The following GPR35 variants were observed in gnomAD, a reference collection of about 807,000 sequenced individuals.
GPR35 encodes the protein G protein-coupled receptor 35.
For missense variants in GPR35, 372 were observed against 422.5 expected (o/e 0.88, Z 1.05); for synonymous variants, 207 against 198.4 (o/e 1.04, Z -0.36).
exon 3 of GPR35, chr2:240,616,496 A>T (rs768251397): frequency 2.6e-6 from 2 of 780,320 alleles, no homozygotes; most frequent in Middle Eastern, 2.3e-4. Context: ...CAGCTCCGAT[A>T]CTTCACCAGA....
intron 1 of GPR35, 21 bp downstream of exon 1, chr2:240,625,589 T>G: frequency 7.2e-6 from 7 of 975,300 alleles, no homozygotes; most frequent in Non-Finnish European, 8.5e-6. Flanking sequence ...CCCACTGCCC[T>G]AGGGGCCTCC....
chr2:240,615,529 A>G (rs1415906686), intron 2 of GPR35, among the ~76,000 whole-genome samples: 2 of 152,126 alleles, frequency 1.3e-5, no homozygotes, highest in Non-Finnish European at 2.9e-5. Flanking sequence ...AAGTGTAATA[A>G]CCCCTTGTGC....
chr2:240,612,031 T>G (rs1302038021), intron 2 of GPR35, among the ~76,000 whole-genome samples: 2 of 151,824 alleles, frequency 1.3e-5, no homozygotes, highest in Admixed American at 6.6e-5. Flanking sequence ...TGTGGTTACT[T>G]CTGGGACATT....
intron 2 of GPR35, among the ~76,000 whole-genome samples, chr2:240,613,382 T>A (rs757869502): frequency 2.0e-5 from 3 of 151,718 alleles, no homozygotes; most frequent in African/African-American, 2.4e-5. Context: ...GGACAAGGAG[T>A]GAAGAATCTC....
chr2:240,614,596 C>T (rs905491941), intron 2 of GPR35, among the ~76,000 whole-genome samples: 13 of 152,228 alleles, frequency 8.5e-5, no homozygotes, highest in East Asian at 3.8e-4. Context: ...TCTGCTCTCC[C>T]GGTTCTCCCC....
rs780904028 is a variant in GPR35, at chr2:240,630,431, G to C, written c.479G>C (p.Gly160Ala). Residue 160 changes from glycine (G) to alanine (A), a missense_variant, in exon 2 of 2, where the codon GGC becomes GCC. Coordinates refer to ENST00000407714, the MANE Select transcript of GPR35 (RefSeq NM_005301.5). Reference protein sequence around the residue: ...ARWLLGIQEGGFCFRSTRHNF... With the variant: ...ARWLLGIQEGAFCFRSTRHNF... Reference sequence around the variant, plus strand: ...TGGCTCCTGGGGATTCAGGAGGGCGGCTTCTGCTTCAGGAGCACCCGGCAC... The same window carrying C: ...TGGCTCCTGGGGATTCAGGAGGGCGCCTTCTGCTTCAGGAGCACCCGGCAC... The C allele has an allele frequency of 6.2e-7, 1 of 1,612,728 alleles. No individual in the cohort carries two copies. The highest frequency in any genetic ancestry group is 1.3e-5 in the African/African-American group (1 of 75,042).
At chr2:240,625,752 G>A (rs111340572) in intron 1 of GPR35, among the ~76,000 whole-genome samples, 184 bp downstream of exon 1, 112 of 149,800 alleles carry the variant, frequency 7.5e-4, no homozygotes, top group East Asian at 1.4e-3. Context: ...GTCTCAGAGC[G>A]GGGTGAGGCT....
intron 1 of GPR35, among the ~76,000 whole-genome samples, 169 bp downstream of exon 1, chr2:240,625,737 A>ACGGGGGTTCT (rs1559438585): frequency 2.1e-5 from 2 of 96,476 alleles, no homozygotes; most frequent in South Asian, 7.5e-4. Context: ...TGAGGCTGTG[A>ACGGGGGTTCT]CAGGGTCTCA....
chr2:240,630,067 A>G lies in GPR35; in HGVS notation c.115A>G (p.Ser39Gly), dbSNP rs1429723308. The change falls in exon 2 of 2, where the codon AGC (serine) becomes GGC (glycine). Residue 39 changes from serine to glycine, a missense_variant. Physicochemically the swap from Ser to Gly is moderately conservative, Grantham distance 56. Transcript: ENST00000407714. ...VLLVLGLLLNSLALWVFCCRM... is the reference protein window; with the variant it reads ...VLLVLGLLLNGLALWVFCCRM... ...GCTGGTGCTAGGCCTGCTGCTCAAC[A>G]GCCTGGCGCTCTGGGTGTTCTGCTG... The G allele has an allele frequency of 3.1e-6, 5 of 1,611,850 alleles. No homozygotes were observed. The highest frequency in any genetic ancestry group is 4.2e-6 in the Non-Finnish European group (5 of 1,179,952).
chr2:240,623,941 A>C (rs186621485), upstream of GPR35, among the ~76,000 whole-genome samples: 1 of 141,382 alleles, frequency 7.1e-6, no homozygotes, highest in Non-Finnish European at 1.6e-5. Context: ...GGGGTGCCCC[A>C]GGCCACTGCT....
intron 4 of GPR35, chr2:240,618,877 C>T: frequency 3.0e-6 from 2 of 656,340 alleles, no homozygotes; most frequent in Non-Finnish European, 5.5e-6. Context: ...TTTCTCCCTC[C>T]TCTTTGCAAG....
At chr2:240,613,929 A>T (rs2043212708) in intron 2 of GPR35, among the ~76,000 whole-genome samples, 1 of 151,648 alleles carries the variant, frequency 6.6e-6, no homozygotes, top group Non-Finnish European at 1.5e-5. Context: ...CCATAACCCT[A>T]ACCGAAACTC....
chr2:240,630,581 AG>A lies in GPR35; in HGVS notation c.631del (p.Ala211ProfsTer27), dbSNP rs1424246479. The A allele has an allele frequency of 6.2e-7, 1 of 1,612,846 alleles. No individual in the cohort carries two copies. The highest frequency in any genetic ancestry group is 1.7e-5 in the Admixed American group (1 of 60,006). On this transcript the variant is annotated frameshift_variant, in exon 2 of 2. Transcript: ENST00000407714. LOFTEE classifies it low-confidence loss of function (END_TRUNC). ...CCACCCACCGACGTGGGGCAGGCAG[AG>A]GCCACCCGCAAGGCTGCCCGCATGG... ...QRPPTDVGQA[E>X]ATRKAARMVW...
rs1386241719 is a variant in GPR35 at position 240,631,455 on chromosome 2, A to G, written c.*573A>G. ...TGTTGGAAGCTCCTGGCAGGACCACAGTAGAGGCCCCCAGCCCAGGTTTCC... is the reference window on the plus strand; with the variant it reads ...TGTTGGAAGCTCCTGGCAGGACCACGGTAGAGGCCCCCAGCCCAGGTTTCC... On this transcript the variant is annotated 3_prime_UTR_variant, in exon 2 of 2. Transcript: ENST00000407714. Among the ~76,000 whole-genome samples the G allele has an allele frequency of 6.6e-5, 10 of 152,038 alleles. No individual in the cohort carries two copies. Among genetic ancestry groups the G allele is most frequent in the Non-Finnish European group, 1.0e-4 (7 of 67,964 alleles).
At chr2:240,618,369 T>C (rs1292005872) in intron 4 of GPR35, among the ~76,000 whole-genome samples, 1 of 152,242 alleles carries the variant, frequency 6.6e-6, no homozygotes, top group East Asian at 1.9e-4. Flanking sequence ...GACAAAACAG[T>C]GTTTTAAAAT....
rs201744898 is a variant in GPR35 at position 240,629,969 on chromosome 2, A to C, written c.17A>C (p.Asn6Thr). The C allele has an allele frequency of 1.3e-5, 21 of 1,605,182 alleles. No individual in the cohort carries two copies. In the Admixed American group the frequency reaches 3.3e-4, roughly 26 times the overall value. Reference protein sequence around the residue: MNGTYNTCGSSDLTWP... With the variant: MNGTYTTCGSSDLTWP... ...CCCAGGACCATGAATGGCACCTACA[A>C]CACCTGTGGCTCCAGCGACCTCACC... Residue 6 changes from asparagine to threonine, a missense_variant, in exon 2 of 2, where the codon AAC becomes ACC. Physicochemically the swap from Asn to Thr is moderately conservative, Grantham distance 65. Transcript: ENST00000407714.
chr2:240,614,913 C>T (rs2043224119), intron 2 of GPR35, among the ~76,000 whole-genome samples: 1 of 151,816 alleles, frequency 6.6e-6, no homozygotes, highest in African/African-American at 2.4e-5. Context: ...TATATGTGTG[C>T]ATATATATGC....
intron 5 of GPR35, among the ~76,000 whole-genome samples, chr2:240,619,785 G>T (rs972793529): frequency 6.6e-6 from 1 of 152,238 alleles, no homozygotes; most frequent in Non-Finnish European, 1.5e-5. Context: ...CCTTCCAGCG[G>T]CTGGCAGGCG....
chr2:240,624,455 C>T (rs2043345764), upstream of GPR35, among the ~76,000 whole-genome samples: 1 of 152,184 alleles, frequency 6.6e-6, no homozygotes, highest in Admixed American at 6.5e-5. Flanking sequence ...AATGCCCAGC[C>T]AGGGCTTCCT....
Sources: allele counts gnomAD v4.1 joint callset (sites outside exome capture counted in the v4.1 genomes callset), GRCh38; gene constraint gnomAD v4.1.1; transcripts MANE v1.5; gene names NCBI Gene and HGNC (gene_info 2026-07-23, HGNC 2026-07-21).